The following PVT1 variants were observed in gnomAD, a reference collection of about 807,000 sequenced individuals.
The protein encoded by PVT1 is Pvt1 oncogene, also known as CXCR4/PVT1 fusion.
chr8:128,065,257 T>G (rs1323929087), intron 4 of PVT1, among the ~76,000 whole-genome samples: 3 of 152,108 alleles, frequency 2.0e-5, no homozygotes, highest in African/African-American at 7.2e-5. Flanking sequence ...AGTGGTGTGA[T>G]CTCAGCTCAC....
intron 3 of PVT1, among the ~76,000 whole-genome samples, chr8:127,908,963 C>T (rs1432890722): frequency 2.0e-5 from 3 of 152,332 alleles, no homozygotes; most frequent in South Asian, 2.1e-4. Context: ...TTCTGACTTA[C>T]CCAGCAGAGT....
chr8:127,923,835 T>A (rs928445519), intron 3 of PVT1, among the ~76,000 whole-genome samples: 10 of 152,214 alleles, frequency 6.6e-5, no homozygotes. Context: ...TGTCAGATCC[T>A]GGTGTGCCGC....
intron 3 of PVT1, among the ~76,000 whole-genome samples, chr8:127,921,581 G>A (rs762568501): frequency 6.6e-6 from 1 of 152,114 alleles, no homozygotes; most frequent in Non-Finnish European, 1.5e-5. Context: ...GGAGGCCGAG[G>A]AGGGAGGATC....
chr8:127,906,781 C>G (rs1208923594), intron 3 of PVT1, among the ~76,000 whole-genome samples: 2 of 152,032 alleles, frequency 1.3e-5, no homozygotes, highest in Non-Finnish European at 2.9e-5. Context: ...GTAATTGTTA[C>G]CCTTTATTGA....
chr8:128,083,117 A>C (rs993374218), intron 5 of PVT1, among the ~76,000 whole-genome samples: 9 of 152,232 alleles, frequency 5.9e-5, no homozygotes, highest in Admixed American at 5.9e-4. Context: ...ACTTTAGACA[A>C]GTCACTTAGC....
At chr8:128,036,528 G>A (rs536631293) in intron 4 of PVT1, among the ~76,000 whole-genome samples, 37 of 152,294 alleles carry the variant, frequency 2.4e-4, no homozygotes, top group Non-Finnish European at 4.3e-4. Context: ...GAGGAGGCAG[G>A]GGTGCCCGAG....
intron 3 of PVT1, among the ~76,000 whole-genome samples, chr8:127,925,648 GTT>G (rs10592662): frequency 0.33 from 50,103 of 151,410 alleles, 8,555 homozygotes; most frequent in Middle Eastern, 0.44. Context: ...TTTTGTTTTT[GTT>G]TTTTTTTTGA....
chr8:127,961,181 TG>T (rs1418931007), intron 3 of PVT1, among the ~76,000 whole-genome samples: 2 of 152,164 alleles, frequency 1.3e-5, no homozygotes, highest in African/African-American at 4.8e-5. Flanking sequence ...CTGAGGGCGA[TG>T]GTCTCATGAT....
At chr8:127,874,121 C>T (rs1815380087) in intron 2 of PVT1, among the ~76,000 whole-genome samples, 1 of 152,228 alleles carries the variant, frequency 6.6e-6, no homozygotes, top group Non-Finnish European at 1.5e-5. Flanking sequence ...AAAATACAGT[C>T]TGCATGCTTT....
intron 2 of PVT1, among the ~76,000 whole-genome samples, chr8:127,847,894 C>A (rs540295570): frequency 1.3e-5 from 2 of 152,016 alleles, no homozygotes; most frequent in African/African-American, 4.8e-5. Context: ...GAGGAAGATG[C>A]ATGAAGAAGA....
intron 3 of PVT1, chr8:127,947,694 T>A (rs573698964): frequency 4.4e-6 from 2 of 456,138 alleles, no homozygotes; most frequent in Non-Finnish European, 8.8e-6. Context: ...CCAGCTGTGT[T>A]GTGACTGCCC....
chr8:127,834,371 A>G (rs920609647), intron 2 of PVT1, among the ~76,000 whole-genome samples: 2 of 152,196 alleles, frequency 1.3e-5, no homozygotes, highest in African/African-American at 4.8e-5. Context: ...AGCCATATGT[A>G]GAAAACTGAA....
chr8:128,079,385 G>T (rs2608044), intron 5 of PVT1, among the ~76,000 whole-genome samples: 45,688 of 151,954 alleles, frequency 0.3, 7,640 homozygotes, highest in East Asian at 0.53. Flanking sequence ...CTCTTCTCCC[G>T]TCATATCCCC....
intron 3 of PVT1, among the ~76,000 whole-genome samples, chr8:127,902,670 A>G (rs577975758): frequency 1.4e-4 from 22 of 152,048 alleles, no homozygotes; most frequent in Admixed American, 3.9e-4. Flanking sequence ...CCCACTTATA[A>G]GTGAGAACAT....
chr8:127,981,714 A>C (rs1369561244), intron 3 of PVT1, among the ~76,000 whole-genome samples: 1 of 152,162 alleles, frequency 6.6e-6, no homozygotes, highest in Non-Finnish European at 1.5e-5. Flanking sequence ...CTCAGGGAAA[A>C]CGTCCTGGTA....
intron 2 of PVT1, among the ~76,000 whole-genome samples, chr8:127,883,981 G>A (rs1331504483): frequency 2.6e-5 from 4 of 152,166 alleles, no homozygotes; most frequent in Non-Finnish European, 5.9e-5. Flanking sequence ...ATTTTCACAG[G>A]AAAACTCAAA....
At chr8:128,058,757 G>A (rs1040641762) in intron 4 of PVT1, among the ~76,000 whole-genome samples, 4 of 152,272 alleles carry the variant, frequency 2.6e-5, no homozygotes, top group Admixed American at 1.3e-4. Flanking sequence ...TTGAGGTTGC[G>A]GAGTTTCCTT....
In PVT1 at chr8:127,984,994, T is replaced by TTTCCTTCCTTCC. The variant is rs1202727973; in HGVS notation, n.783-4137_783-4126dup. Among the ~76,000 whole-genome samples, 131 of 67,128 alleles carry TTTCCTTCCTTCC rather than the reference T, an allele frequency of 2.0e-3. 6 individuals are homozygous for TTTCCTTCCTTCC. Among genetic ancestry groups the TTTCCTTCCTTCC allele is most frequent in the African/African-American group, 8.0e-3 (128 of 16,034 alleles). 44.0% of individuals were successfully genotyped at this position (67,128 alleles called of 152,430 possible). On this transcript the variant is annotated intron_variant and non_coding_transcript_variant, in intron 3 of 10. Transcript: ENST00000651587. ...TCCTTCCTTCCTTTCTTTCTTTCTC[T>TTTCCTTCCTTCC]TTCCTTCCTTCCTTCCTTCCTTCCT...
At chr8:127,808,192 C>T (rs931801955) in intron 2 of PVT1, among the ~76,000 whole-genome samples, 24 of 152,094 alleles carry the variant, frequency 1.6e-4, no homozygotes, top group African/African-American at 5.1e-4. Context: ...GGACTTCAGG[C>T]ACAACCCCCG....
Sources: allele counts gnomAD v4.1 joint callset (sites outside exome capture counted in the v4.1 genomes callset), GRCh38; gene constraint gnomAD v4.1.1; transcripts MANE v1.5; gene names NCBI Gene and HGNC (gene_info 2026-07-23, HGNC 2026-07-21).